The following ACTR3B variants were observed in gnomAD, a reference collection of about 807,000 sequenced individuals.
ACTR3B encodes the protein actin-related protein 3B.
Under a neutral mutation model 59.0 loss-of-function variants are expected in ACTR3B, and 8 were observed. The ratio of observed to expected loss-of-function variants is 0.14; its 90% CI spans 0.08 to 0.24. The LOEUF is 0.24. Among genes scored for constraint, ACTR3B ranks in the 10% least tolerant of loss-of-function variants. ACTR3B has a pLI of 1.00. For missense variants in ACTR3B, 245 were observed against 552.3 expected (o/e 0.44, Z 5.58); for synonymous variants, 148 against 197.9 (o/e 0.75, Z 2.12).
In ACTR3B at chr7:152,854,370, G is replaced by A; in HGVS notation, c.1162-88G>A. 2 of 1,207,182 alleles carry A rather than the reference G, an allele frequency of 1.7e-6. No individual in the cohort carries two copies. Among genetic ancestry groups the A allele is most frequent in the Non-Finnish European group, 2.5e-6 (2 of 813,676 alleles). 74.8% of individuals were successfully genotyped at this position (1,207,182 alleles called of 1,614,324 possible). A position where few individuals can be genotyped will look rare whatever the true frequency, so the allele number is the denominator to read the frequency against. On this transcript the variant is annotated intron_variant, in intron 11 of 11. Transcript: ENST00000256001. This position sits in a 1 kb window ranked among gnomAD's most constrained non-coding sequence, Gnocchi z 4.9. ...TGGGAGGGAGGGTGGAGGCCGGGAT[G>A]AGGAGAGTGTCTTGCCTGCTTGGTA...
intron 9 of ACTR3B, among the ~76,000 whole-genome samples, chr7:152,841,601 AT>A (rs1279872779): frequency 6.6e-6 from 1 of 152,228 alleles, no homozygotes; most frequent in African/African-American, 2.4e-5. Context: ...AGTATAGTGC[AT>A]ATTGTTTTCC....
intron 2 of ACTR3B, among the ~76,000 whole-genome samples, chr7:152,798,784 C>T (rs543837884): frequency 1.8e-4 from 28 of 152,218 alleles, no homozygotes; most frequent in African/African-American, 6.5e-4. Flanking sequence ...ACACTTTGCC[C>T]GTTGTGTAAA....
intron 1 of ACTR3B, among the ~76,000 whole-genome samples, chr7:152,772,853 T>TAA (rs2098127432): frequency 6.6e-6 from 1 of 151,860 alleles, no homozygotes; most frequent in South Asian, 2.1e-4. Flanking sequence ...AACACAATGA[T>TAA]AACATGCCAT....
chr7:152,759,865 G>A lies in ACTR3B; in HGVS notation c.-18G>A. 7.7e-7 allele frequency: 1 copy of A among 1,303,576 alleles called. No individual in the cohort carries two copies. The highest frequency in any genetic ancestry group is 9.8e-7 in the Non-Finnish European group (1 of 1,018,172). 80.8% of individuals were successfully genotyped at this position (1,303,576 alleles called of 1,614,324 possible). A position where few individuals can be genotyped will look rare whatever the true frequency, so the allele number is the denominator to read the frequency against. ...GCTCTCGGGCTGCCGGCGGGGCCGA[G>A]CGCCGCGCGTCCCGAGCATGGCAGG... is the stretch of plus-strand genomic sequence containing the variant. On this transcript the variant is annotated 5_prime_UTR_variant, in exon 1 of 12. Coordinates refer to ENST00000256001, the MANE Select transcript of ACTR3B (RefSeq NM_020445.6).
Position 152,801,678 on chromosome 7 carries a change from C to G in ACTR3B, c.283C>G (p.Gln95Glu). 1 of 1,522,256 alleles carries G rather than the reference C, an allele frequency of 6.6e-7. No individual in the cohort carries two copies. The highest frequency in any genetic ancestry group is 8.9e-7 in the Non-Finnish European group (1 of 1,120,056). 94.3% of individuals were successfully genotyped at this position (1,522,256 alleles called of 1,614,324 possible). The change falls in exon 4 of 12, where the codon CAA (glutamine) becomes GAA (glutamate). Residue 95 changes from glutamine (Q) to glutamate (E), a missense_variant. By Grantham distance (29) the Gln-to-Glu change is conservative (BLOSUM62 2). Transcript: ENST00000256001. ...GGATCTTATGGAAAGGTTCATGGAGCAAGTGGTTTTTAAATATCTTCGAGC... is the reference window on the plus strand; with the variant it reads ...GGATCTTATGGAAAGGTTCATGGAGGAAGTGGTTTTTAAATATCTTCGAGC... ...DWDLMERFME[Q>E]VVFKYLRAEP...
At chr7:152,767,896 C>T (rs917355946) in intron 1 of ACTR3B, among the ~76,000 whole-genome samples, 3 of 151,902 alleles carry the variant, frequency 2.0e-5, no homozygotes, top group Non-Finnish European at 2.9e-5. Flanking sequence ...TAAATTTTTC[C>T]CTTGATCCCT....
At chr7:152,815,295 C>T (rs112193670) in intron 5 of ACTR3B, among the ~76,000 whole-genome samples, 4,085 of 152,292 alleles carry the variant, frequency 0.027, 91 homozygotes, top group African/African-American at 0.061. Context: ...GCAGCTTTCT[C>T]GGGCTGATTC....
intron 1 of ACTR3B, among the ~76,000 whole-genome samples, chr7:152,760,202 G>A (rs1254296712): frequency 6.6e-6 from 1 of 152,086 alleles, no homozygotes; most frequent in Non-Finnish European, 1.5e-5. Context: ...CGCCTCCCCC[G>A]CCCACGTGGC....
Position 152,785,569 on chromosome 7 carries a change from G to A in ACTR3B, c.100+2327G>A, listed in dbSNP as rs969756948. The stretch of plus-strand genomic sequence containing the variant: ...GCCCCAGGAGTCAAGGTTAGAAGAT[G>A]TTCGGGCAGAAGTGAGGATACTGAG... On this transcript the variant is annotated intron_variant, in intron 2 of 11. Transcript: ENST00000256001. Among the ~76,000 whole-genome samples, 11 of 146,036 alleles carry A rather than the reference G, an allele frequency of 7.5e-5. No individual in the cohort carries two copies. The East Asian group carries it at 2.1e-3, about 27-fold the overall frequency.
chr7:152,783,097 G>A, intron 1 of ACTR3B, 90 bp from the exon 2 acceptor site: 1 of 455,566 alleles, frequency 2.2e-6, no homozygotes, highest in Non-Finnish European at 3.8e-6. Flanking sequence ...TGCTATTTTA[G>A]GACTTGGAGA....
At chr7:152,844,834 T>C (rs1254355942) in intron 9 of ACTR3B, among the ~76,000 whole-genome samples, 33 of 144,274 alleles carry the variant, frequency 2.3e-4, no homozygotes, top group African/African-American at 7.6e-4. Flanking sequence ...AAGGATTTAA[T>C]GTGAGTCTGA....
chr7:152,790,145 A>G (rs2098190571), intron 2 of ACTR3B, among the ~76,000 whole-genome samples: 1 of 151,902 alleles, frequency 6.6e-6, no homozygotes, highest in South Asian at 2.1e-4. Flanking sequence ...CATGGGAGCC[A>G]TCATGTCTGG....
chr7:152,778,253 TG>T (rs1336152204), intron 1 of ACTR3B, among the ~76,000 whole-genome samples: 4 of 150,008 alleles, frequency 2.7e-5, no homozygotes, highest in Admixed American at 2.0e-4. Flanking sequence ...TTACTACTTA[TG>T]TTTTTTTATT....
At chr7:152,853,305 G>A (rs1441278482) in intron 10 of ACTR3B, among the ~76,000 whole-genome samples, 189 bp from the exon 11 acceptor site, 2 of 152,102 alleles carry the variant, frequency 1.3e-5, no homozygotes, top group Non-Finnish European at 2.9e-5. Flanking sequence ...GCTGGGGGCT[G>A]GGATTCTGGT....
At chr7:152,851,239 A>G (rs1304979749) in intron 9 of ACTR3B, among the ~76,000 whole-genome samples, 1 of 152,254 alleles carries the variant, frequency 6.6e-6, no homozygotes. Flanking sequence ...GAAAAGTTAT[A>G]TAAATGTGGT....
intron 6 of ACTR3B, among the ~76,000 whole-genome samples, chr7:152,818,235 G>T (rs1048591657): frequency 3.9e-5 from 6 of 151,952 alleles, no homozygotes; most frequent in Admixed American, 3.9e-4. Flanking sequence ...TTTAGGAAAA[G>T]GAAAGAAAAT....
intron 9 of ACTR3B, among the ~76,000 whole-genome samples, chr7:152,826,047 A>T (rs1796545085): frequency 2.0e-5 from 3 of 152,128 alleles, no homozygotes; most frequent in Admixed American, 2.0e-4. Flanking sequence ...CCGTCAGCTC[A>T]GTGGCATGAC....
chr7:152,804,712 A>G (rs139896057), intron 4 of ACTR3B, among the ~76,000 whole-genome samples: 2 of 152,376 alleles, frequency 1.3e-5, no homozygotes, highest in Non-Finnish European at 2.9e-5. Context: ...GCTCTGAGTC[A>G]GTGGGAGAAT....
chr7:152,775,759 C>CAA (rs201001560), intron 1 of ACTR3B, among the ~76,000 whole-genome samples: 2 of 116,424 alleles, frequency 1.7e-5, no homozygotes, highest in Admixed American at 8.9e-5. Context: ...AACTCCGTCT[C>CAA]AAAAAAAAAA....
Sources: allele counts gnomAD v4.1 joint callset (sites outside exome capture counted in the v4.1 genomes callset), GRCh38; gene constraint gnomAD v4.1.1; non-coding constraint Gnocchi (gnomAD v3.1); transcripts MANE v1.5; gene names NCBI Gene and HGNC (gene_info 2026-07-23, HGNC 2026-07-21).